DYSF: variants seen among roughly 807,000 people sequenced by gnomAD.
DYSF encodes dysferlin.
Under a neutral mutation model 274.9 loss-of-function variants are expected in DYSF, and 212 were observed. The observed-to-expected ratio is 0.77, with a 90% CI of 0.69 to 0.86. The LOEUF (loss-of-function observed/expected upper bound fraction) is 0.86. Among genes scored for constraint, DYSF ranks in the 40% least tolerant of loss-of-function variants. DYSF has a pLI of 0.00. For missense variants in DYSF, 2,666 were observed against 2,783.2 expected (o/e 0.96, Z 0.95); for synonymous variants, 1,091 against 1,078.7 (o/e 1.01, Z -0.22).
intron 30 of DYSF, among the ~76,000 whole-genome samples, chr2:71,575,053 C>T (rs2092656292): frequency 6.6e-6 from 1 of 152,180 alleles, no homozygotes. Context: ...AGGACTGGCA[C>T]CTCCCTAGGG....
At chr2:71,561,686 G>A (rs2091777646) in intron 22 of DYSF, 66 bp from the exon 23 acceptor site, 3 of 1,597,440 alleles carry the variant, frequency 1.9e-6, no homozygotes, top group Admixed American at 3.3e-5. Context: ...CCTGGCACAT[G>A]TGCATGCCTG....
rs183577999 is a variant in DYSF at position 71,598,833 on chromosome 2, C to G, written c.3756+88C>G. ...CTCCAGGGACTCGTGGCTGCCCAGC[C>G]AGATGGGTGCTCTCCTAACTCCACG... is the stretch of plus-strand genomic sequence containing the variant. On this transcript the variant is annotated intron_variant, in intron 33 of 55. Transcript: ENST00000410020. 1.5e-5 allele frequency: 22 copies of G among 1,484,678 alleles called. 1 individual carries two copies. In the East Asian group the frequency reaches 3.7e-4, roughly 25 times the overall value. The allele number at this position is 1,484,678 out of a possible 1,614,324, so 92.0% of individuals were successfully genotyped here. A position where few individuals can be genotyped will look rare whatever the true frequency, so the allele number is the denominator to read the frequency against.
intron 44 of DYSF, 138 bp downstream of exon 44, chr2:71,659,171 C>G: frequency 8.1e-7 from 1 of 1,228,746 alleles, no homozygotes; most frequent in Non-Finnish European, 1.2e-6. Flanking sequence ...CTGAGAGGTG[C>G]CTGGATGGAG....
intron 41 of DYSF, among the ~76,000 whole-genome samples, chr2:71,621,085 T>A (rs1319338950): frequency 6.6e-6 from 1 of 152,134 alleles, no homozygotes; most frequent in Non-Finnish European, 1.5e-5. Context: ...AGTCTGCTCC[T>A]GCAGTTTCCA....
At chr2:71,483,904 C>T (rs1429217627) in intron 3 of DYSF, among the ~76,000 whole-genome samples, 1 of 151,960 alleles carries the variant, frequency 6.6e-6, no homozygotes, top group Non-Finnish European at 1.5e-5. Context: ...GAGTTCAGTT[C>T]CCTCTGACAA....
chr2:71,656,656 G>C (rs762656143), intron 43 of DYSF, among the ~76,000 whole-genome samples: 1 of 152,184 alleles, frequency 6.6e-6, no homozygotes, highest in African/African-American at 2.4e-5. Context: ...GGCTGGCAAG[G>C]CCTCAGAATC....
At chr2:71,684,268 C>T (rs540938304) in intron 55 of DYSF, among the ~76,000 whole-genome samples, 4 of 151,910 alleles carry the variant, frequency 2.6e-5, no homozygotes, top group South Asian at 2.1e-4. Flanking sequence ...AGTGTGTGCA[C>T]GTGTGGTGTC....
At chr2:71,562,820 G>A (rs1013806785) in intron 23 of DYSF, among the ~76,000 whole-genome samples, 1 of 152,150 alleles carries the variant, frequency 6.6e-6, no homozygotes, top group Non-Finnish European at 1.5e-5. Context: ...ACACTGTGTC[G>A]CTCAGCTGTG....
In DYSF at chr2:71,613,355, C is replaced by G; in HGVS notation, c.4409C>G (p.Pro1470Arg). ...GCAGACGATGTGAGCCTACTCAGTC[C>G]TGGGGAAGACGTGCTCATCGACATT... ...GGPDDVSLLS[P>R]GEDVLIDIDD... The change falls in exon 40 of 56, where the codon CCT becomes CGT. Residue 1470 changes from proline to arginine, a missense_variant. By Grantham distance (103) the Pro-to-Arg change is moderately radical. Transcript: ENST00000410020. 1 of 1,613,420 alleles carries G rather than the reference C, an allele frequency of 6.2e-7. No individual in the cohort carries two copies. Among genetic ancestry groups the G allele is most frequent in the Non-Finnish European group, 8.5e-7 (1 of 1,179,814 alleles).
chr2:71,591,294 C>T (rs543716307), intron 32 of DYSF, among the ~76,000 whole-genome samples: 8 of 152,376 alleles, frequency 5.3e-5, no homozygotes, highest in African/African-American at 1.4e-4. Context: ...CTCCTTCCCT[C>T]AGCACTTGGC....
intron 22 of DYSF, among the ~76,000 whole-genome samples, chr2:71,558,567 T>C (rs2091492448): frequency 6.6e-6 from 1 of 152,226 alleles, no homozygotes; most frequent in South Asian, 2.1e-4. Context: ...ACCCCCGTGT[T>C]GTTTGTAGCT....
At position 71,601,328 on chromosome 2, in the gene DYSF, A is replaced by T. The variant is rs756581791; in HGVS notation, c.3898-171A>T. The T allele has an allele frequency of 1.1e-5, 9 of 831,140 alleles. No individual in the cohort carries two copies. The Admixed American group carries it at 1.7e-4, about 16-fold the overall frequency. The allele number at this position is 831,140 out of a possible 1,614,324, so 51.5% of individuals were successfully genotyped here. On this transcript the variant is annotated intron_variant, in intron 34 of 55. Coordinates refer to ENST00000410020, the MANE Select transcript of DYSF (RefSeq NM_001130987.2). ...ATAGGAGTAGGGCTGCTCTGGGTGA[A>T]GTGTCTGGAGGAATGGGCACAGTGC...
rs2093531900 is a variant in DYSF, at chr2:71,600,801, G to A, written c.3856G>A (p.Gly1286Arg). Residue 1286 changes from glycine to arginine, a missense_variant, in exon 34 of 56, where the codon GGG (glycine) becomes AGG (arginine). By Grantham distance (125) the Gly-to-Arg change is moderately radical. This residue lies in a region of DYSF where 1,460 missense variants were observed against 1,502.1 expected (regional missense o/e 0.97). Coordinates refer to ENST00000410020, the MANE Select transcript of DYSF (RefSeq NM_001130987.2). ...ACTGACGAGGGGCAGCCAGCCGTCG[G>A]GGGAGCTGCTGGCCTCTTTTGAGCT... ...FPLTRGSQPS[G>R]ELLASFELIQ... 3 of 1,613,432 alleles carry A rather than the reference G, an allele frequency of 1.9e-6. No homozygotes were observed. Among genetic ancestry groups the A allele is most frequent in the Non-Finnish European group, 2.5e-6 (3 of 1,180,026 alleles).
intron 33 of DYSF, 71 bp from the exon 34 acceptor site, chr2:71,600,631 C>T: frequency 6.2e-7 from 1 of 1,608,842 alleles, no homozygotes; most frequent in Admixed American, 1.7e-5. Context: ...ACATGTAGAC[C>T]TGATCTCTCT....
intron 36 of DYSF, among the ~76,000 whole-genome samples, chr2:71,605,773 T>C (rs1243041477): frequency 6.6e-6 from 1 of 151,924 alleles, no homozygotes; most frequent in Non-Finnish European, 1.5e-5. Context: ...AAGGAAAAAT[T>C]TGGTGTTTTG....
Position 71,513,254 on chromosome 2 carries a change from C to T in DYSF, c.475C>T (p.Arg159Trp), listed in dbSNP as rs372735841. ...LDVVAGGGQS[R>W]AETWSLLSDS... The stretch of plus-strand genomic sequence containing the variant: ...CCACAAGACAGGCGGGGGACAGAGC[C>T]GGGCCGAGACTTGGTCCCTGCTCAG... The change falls in exon 6 of 56, where the codon CGG (arginine) becomes TGG (tryptophan). Residue 159 changes from arginine to tryptophan, a missense_variant. Arg to Trp is a moderately radical substitution (Grantham distance 101). This residue lies in a region of DYSF where 794 missense variants were observed against 777.1 expected (regional missense o/e 1.02). Coordinates refer to ENST00000410020, the MANE Select transcript of DYSF (RefSeq NM_001130987.2). 17 of 1,551,578 alleles carry T rather than the reference C, an allele frequency of 1.1e-5. No individual in the cohort carries two copies. The highest frequency in any genetic ancestry group is 2.4e-5 in the South Asian group (2 of 84,054).
chr2:71,576,674 C>T (rs1268527529), intron 30 of DYSF, among the ~76,000 whole-genome samples: 1 of 152,098 alleles, frequency 6.6e-6, no homozygotes, highest in Non-Finnish European at 1.5e-5. Context: ...CGGCCCAGGG[C>T]AGGAAGGCTG....
chr2:71,582,151 G>C (rs2092919591), intron 30 of DYSF, among the ~76,000 whole-genome samples: 1 of 141,794 alleles, frequency 7.1e-6, no homozygotes, highest in Non-Finnish European at 1.5e-5. Context: ...TTGGCACATA[G>C]CTGGTACTCA....
At chr2:71,664,980 C>G (rs1340649018) in intron 46 of DYSF, among the ~76,000 whole-genome samples, 182 bp from the exon 47 acceptor site, 2 of 152,232 alleles carry the variant, frequency 1.3e-5, no homozygotes, top group African/African-American at 2.4e-5. Flanking sequence ...TCTCTCTGAG[C>G]CTCCATTTCT....
Sources: gnomAD v4.1 joint callset for allele counts (sites outside exome capture counted in the v4.1 genomes callset) on GRCh38, gnomAD v4.1.1 for gene constraint, gnomAD v4.1.1 regional missense constraint, MANE v1.5 for transcripts, NCBI Gene and HGNC (gene_info 2026-07-23, HGNC 2026-07-21) for gene names.